Variants in COPZ1 observed in about 807,000 individuals in gnomAD.
COPZ1 encodes coat protein complex I subunit zeta 1, also known as coatomer subunit zeta-1.
Under a neutral mutation model 31.7 loss-of-function variants are expected in COPZ1, and 4 were observed. The ratio of observed to expected loss-of-function variants is 0.13; its 90% confidence interval spans 0.06 to 0.29. The LOEUF is 0.29. COPZ1 is among the 10% of genes least tolerant of loss of function. The pLI is 1.00. For synonymous variants in COPZ1, 74 were observed against 79.0 expected (o/e 0.94, Z 0.33); for missense variants, 156 against 211.5 (o/e 0.74, Z 1.63).
rs1953781168 is a variant in COPZ1, at chr12:54,332,810, T to C, written c.18+7629T>C. Among the ~76,000 whole-genome samples the C allele has an allele frequency of 2.0e-5, 3 of 152,050 alleles. No individual in the cohort carries two copies. In the South Asian group the frequency reaches 6.3e-4, roughly 32 times the overall value. On this transcript the variant is annotated intron_variant, in intron 1 of 8. Transcript: ENST00000262061. The stretch of plus-strand genomic sequence containing the variant: ...GACCTTTATTCCCCCTGCTGGCTGT[T>C]AGTTTTCTCAATCATATTTATTAAT...
Position 54,340,623 on chromosome 12 carries a change from T to C in COPZ1, c.87+8T>C. On this transcript the variant is annotated splice_region_variant and intron_variant, in intron 2 of 8. Coordinates refer to ENST00000262061, the MANE Select transcript of COPZ1 (RefSeq NM_016057.3). The stretch of plus-strand genomic sequence containing the variant: ...GATCGACTTTTTGCCAAGGTGAGAT[T>C]CCCTTTCGAATTAGTTTAGGAACAG... 1 of 1,613,014 alleles carries C rather than the reference T, an allele frequency of 6.2e-7. No individual in the cohort carries two copies. Among genetic ancestry groups the C allele is most frequent in the Non-Finnish European group, 8.5e-7 (1 of 1,179,512 alleles).
chr12:54,333,817 A>G (rs969943132), intron 1 of COPZ1, among the ~76,000 whole-genome samples: 16 of 152,096 alleles, frequency 1.1e-4, no homozygotes, highest in African/African-American at 3.6e-4. Flanking sequence ...TTCCCGAGTC[A>G]TGTGTTGAGT....
At chr12:54,333,686 G>T (rs1176022597) in intron 1 of COPZ1, among the ~76,000 whole-genome samples, 1 of 152,060 alleles carries the variant, frequency 6.6e-6, no homozygotes, top group Non-Finnish European at 1.5e-5. Flanking sequence ...TTAAGAGATG[G>T]ATTGTAGGAG....
intron 5 of COPZ1, among the ~76,000 whole-genome samples, 168 bp downstream of exon 5, chr12:54,345,683 C>T (rs1046702603): frequency 6.6e-6 from 1 of 152,148 alleles, no homozygotes; most frequent in Admixed American, 6.5e-5. Flanking sequence ...TTTTGCCGGG[C>T]TCAGTGGCTC....
At chr12:54,349,725 C>A in intron 8 of COPZ1, 67 bp downstream of exon 8, 1 of 1,209,120 alleles carries the variant, frequency 8.3e-7, no homozygotes, top group Non-Finnish European at 1.2e-6. Context: ...AGCATTCCAC[C>A]CATACCTCTC....
chr12:54,334,669 C>T (rs368865543), intron 1 of COPZ1, among the ~76,000 whole-genome samples: 4 of 151,418 alleles, frequency 2.6e-5, no homozygotes, highest in Non-Finnish European at 5.9e-5. Flanking sequence ...CTGGCTAACA[C>T]GGTGAAACCC....
In COPZ1 at chr12:54,331,475, G is replaced by A. The variant is rs147662455; in HGVS notation, c.18+6294G>A. On this transcript the variant is annotated intron_variant, in intron 1 of 8. Coordinates refer to ENST00000262061, the MANE Select transcript of COPZ1 (RefSeq NM_016057.3). ...ATTACAGGTGTGAGCCACTGCGCCC[G>A]GCCTATTTTCTCACTCTCAATGCAG... 8.0e-4 allele frequency among the ~76,000 whole-genome samples: 121 copies of A among 152,088 alleles called. No individual in the cohort carries two copies. In the East Asian group the frequency reaches 0.017, roughly 21 times the overall value.
intron 1 of COPZ1, among the ~76,000 whole-genome samples, chr12:54,339,704 T>C (rs1045347121): frequency 3.9e-5 from 6 of 152,126 alleles, no homozygotes; most frequent in Non-Finnish European, 5.9e-5. Context: ...ATACTTACAG[T>C]TGAAGAAGAA....
chr12:54,345,658 G>C lies in COPZ1; in HGVS notation c.317+143G>C, dbSNP rs1472298309. ...GCAAAGGCTCCAGGGAGTTGATTTA[G>C]TTTTAGAAGTTGGGTTTTGCCGGGC... On this transcript the variant is annotated intron_variant, in intron 5 of 8. Transcript: ENST00000262061. 1.2e-5 allele frequency: 8 copies of C among 659,862 alleles called. No individual in the cohort carries two copies. In the African/African-American group the frequency reaches 1.5e-4, roughly 12 times the overall value. The allele number at this position is 659,862 out of a possible 1,614,324, so 40.9% of individuals were successfully genotyped here. A position where few individuals can be genotyped will look rare whatever the true frequency, so the allele number is the denominator to read the frequency against.
At chr12:54,328,218 G>A (rs1953689351) in intron 1 of COPZ1, among the ~76,000 whole-genome samples, 1 of 150,988 alleles carries the variant, frequency 6.6e-6, no homozygotes, top group South Asian at 2.1e-4. Context: ...AGAGGTTGCA[G>A]TGAGCCGAGA....
intron 1 of COPZ1, among the ~76,000 whole-genome samples, chr12:54,326,841 T>C (rs1953657553): frequency 6.6e-6 from 1 of 151,966 alleles, no homozygotes; most frequent in African/African-American, 2.4e-5. Context: ...TAACAGGTTT[T>C]AATTCCTCTC....
chr12:54,328,851 A>G (rs1953706029), intron 1 of COPZ1, among the ~76,000 whole-genome samples: 1 of 152,216 alleles, frequency 6.6e-6, no homozygotes, highest in South Asian at 2.1e-4. Flanking sequence ...AGGTACATAC[A>G]TAGCTGCAGG....
chr12:54,335,076 A>G (rs376450081), intron 1 of COPZ1, among the ~76,000 whole-genome samples: 225 of 151,998 alleles, frequency 1.5e-3, no homozygotes, highest in African/African-American at 5.0e-3. Context: ...GAGGAGGCTG[A>G]GACACGAGAA....
At chr12:54,345,160 T>C (rs1954041902) in intron 4 of COPZ1, 1 of 266,496 alleles carries the variant, frequency 3.8e-6, no homozygotes, top group East Asian at 7.7e-5. Flanking sequence ...GTAATTTCTC[T>C]ACCTAAGACA....
chr12:54,334,737 G>A (rs1273486143), intron 1 of COPZ1, among the ~76,000 whole-genome samples: 3 of 151,144 alleles, frequency 2.0e-5, no homozygotes, highest in African/African-American at 4.9e-5. Context: ...GGTGCCTGTA[G>A]TCCCAGCCAC....
At chr12:54,346,769 T>A (rs1592210776) in intron 5 of COPZ1, 1 of 643,322 alleles carries the variant, frequency 1.6e-6, no homozygotes, top group Non-Finnish European at 2.8e-6. Flanking sequence ...GGTAGGAAGA[T>A]TGCTTGAGCC....
At chr12:54,325,461 C>A (rs1469323766) in intron 1 of COPZ1, 2 of 380,310 alleles carry the variant, frequency 5.3e-6, no homozygotes, top group African/African-American at 2.1e-5. Flanking sequence ...GGATTAGGAC[C>A]CTTCAGGTTG....
chr12:54,347,152 G>C (rs1432176927), intron 5 of COPZ1, among the ~76,000 whole-genome samples: 1 of 152,128 alleles, frequency 6.6e-6, no homozygotes, highest in African/African-American at 2.4e-5. Context: ...TCTTATCCAG[G>C]TGAATGAATA....
chr12:54,345,418 G>A, intron 4 of COPZ1, 42 bp from the exon 5 acceptor site: 1 of 1,513,588 alleles, frequency 6.6e-7, no homozygotes, highest in South Asian at 1.1e-5. Context: ...CAGCTTTCAG[G>A]GCCTTGAACC....
Sources: gnomAD v4.1 joint callset for allele counts (sites outside exome capture counted in the v4.1 genomes callset) on GRCh38, gnomAD v4.1.1 for gene constraint, MANE v1.5 for transcripts, NCBI Gene and HGNC (gene_info 2026-07-23, HGNC 2026-07-21) for gene names.